SPOCK1: variants seen among roughly 807,000 people sequenced by gnomAD.
The protein encoded by SPOCK1 is testican-1.
In SPOCK1, 23 loss-of-function variants were observed where a neutral mutation model predicts 55.3. The observed-to-expected ratio is 0.42, with a 90% CI of 0.30 to 0.59. The LOEUF (loss-of-function observed/expected upper bound fraction) is 0.59. Ranked by LOEUF, SPOCK1 falls within the 20% of genes least tolerant of loss-of-function variation. The pLI, the probability that SPOCK1 is intolerant of heterozygous loss-of-function variation, is 0.22. For missense variants in SPOCK1, 499 were observed against 552.5 expected (o/e 0.90, Z 0.97); for synonymous variants, 226 against 221.0 (o/e 1.02, Z -0.20).
chr5:137,386,391 G>A (rs974658325), intron 2 of SPOCK1, among the ~76,000 whole-genome samples: 1 of 151,536 alleles, frequency 6.6e-6, no homozygotes, highest in Admixed American at 6.6e-5. Flanking sequence ...ACATGAAGAG[G>A]CCAAAGACTG....
intron 2 of SPOCK1, among the ~76,000 whole-genome samples, chr5:137,298,381 T>A (rs1300852246): frequency 6.6e-6 from 1 of 152,206 alleles, no homozygotes; most frequent in Non-Finnish European, 1.5e-5. Flanking sequence ...AACATTTCAA[T>A]GGTTTGAAAT....
At chr5:137,034,159 A>C (rs1310073264) in intron 6 of SPOCK1, among the ~76,000 whole-genome samples, 2 of 152,224 alleles carry the variant, frequency 1.3e-5, no homozygotes, top group Non-Finnish European at 2.9e-5. Context: ...CCTGGAGGAC[A>C]GGCTGCTCAG....
chr5:137,035,007 G>A (rs1751855123), intron 6 of SPOCK1, among the ~76,000 whole-genome samples: 1 of 152,186 alleles, frequency 6.6e-6, no homozygotes, highest in Non-Finnish European at 1.5e-5. Flanking sequence ...GGGTTCTACT[G>A]CTGGGGTTGG....
At chr5:137,120,551 A>G (rs965124511) in intron 4 of SPOCK1, among the ~76,000 whole-genome samples, 2 of 152,216 alleles carry the variant, frequency 1.3e-5, no homozygotes, top group Non-Finnish European at 2.9e-5. Flanking sequence ...GAACAGCCTC[A>G]AATGAGAATT....
At chr5:137,249,442 T>C (rs1756464053) in intron 3 of SPOCK1, among the ~76,000 whole-genome samples, 1 of 152,182 alleles carries the variant, frequency 6.6e-6, no homozygotes, top group African/African-American at 2.4e-5. Context: ...AATAGACAAA[T>C]TTTTATGGAG....
At chr5:137,065,315 G>A (rs765340710) in intron 6 of SPOCK1, among the ~76,000 whole-genome samples, 113 of 151,724 alleles carry the variant, frequency 7.4e-4, no homozygotes, top group Non-Finnish European at 1.4e-3. Context: ...GATACTGTTG[G>A]TACTGTCATA....
chr5:137,297,266 C>A (rs753870304), intron 2 of SPOCK1, among the ~76,000 whole-genome samples: 1 of 152,120 alleles, frequency 6.6e-6, no homozygotes, highest in South Asian at 2.1e-4. Flanking sequence ...CCTCAGAATG[C>A]GTCTCCTTTG....
intron 3 of SPOCK1, among the ~76,000 whole-genome samples, chr5:137,158,217 A>T (rs888013015): frequency 2.0e-5 from 3 of 152,166 alleles, no homozygotes; most frequent in African/African-American, 4.8e-5. Context: ...AGAGACTCTG[A>T]AATGTGAAGG....
At chr5:137,279,206 G>A (rs759811981) in intron 2 of SPOCK1, among the ~76,000 whole-genome samples, 7 of 152,164 alleles carry the variant, frequency 4.6e-5, no homozygotes, top group Non-Finnish European at 7.3e-5. Flanking sequence ...AAATTAGATG[G>A]AGCCCAACTG....
At chr5:137,379,381 C>T (rs1751407226) in intron 2 of SPOCK1, among the ~76,000 whole-genome samples, 1 of 152,078 alleles carries the variant, frequency 6.6e-6, no homozygotes, top group Non-Finnish European at 1.5e-5. Context: ...AGAGATCAAA[C>T]ATATACAGAT....
intron 5 of SPOCK1, among the ~76,000 whole-genome samples, chr5:137,100,803 A>G (rs1043184602): frequency 3.9e-5 from 6 of 152,152 alleles, no homozygotes; most frequent in African/African-American, 1.4e-4. Context: ...ACCCTTGTTC[A>G]GAGGAAGAAG....
At chr5:136,983,978 C>T (rs142261749) in intron 9 of SPOCK1, among the ~76,000 whole-genome samples, 1 of 152,344 alleles carries the variant, frequency 6.6e-6, no homozygotes, top group East Asian at 1.9e-4. Context: ...ACTAATTCTA[C>T]AACTACCTGC....
chr5:137,049,374 G>A (rs1027866735), intron 6 of SPOCK1, among the ~76,000 whole-genome samples: 8 of 132,632 alleles, frequency 6.0e-5, no homozygotes, highest in East Asian at 2.4e-4. Context: ...TTCCCTTCTC[G>A]CTTCATTTCA....
chr5:137,080,793 A>C (rs1337583618), intron 5 of SPOCK1, among the ~76,000 whole-genome samples: 1 of 152,222 alleles, frequency 6.6e-6, no homozygotes, highest in African/African-American at 2.4e-5. Context: ...AAAACTACAG[A>C]AAATCTAAGT....
At chr5:137,192,555 C>T (rs1434345915) in intron 3 of SPOCK1, among the ~76,000 whole-genome samples, 1 of 152,236 alleles carries the variant, frequency 6.6e-6, no homozygotes, top group Admixed American at 6.5e-5. Flanking sequence ...CAGTCCCTAG[C>T]ATGGGCAGGG....
chr5:137,486,594 G>A (rs963084122), intron 2 of SPOCK1, among the ~76,000 whole-genome samples: 6 of 152,138 alleles, frequency 3.9e-5, no homozygotes, highest in Non-Finnish European at 5.9e-5. Flanking sequence ...ATGAACACAC[G>A]AATAAACAAA....
chr5:137,277,300 C>A (rs1044254165), intron 2 of SPOCK1, among the ~76,000 whole-genome samples: 3 of 152,172 alleles, frequency 2.0e-5, no homozygotes, highest in African/African-American at 7.2e-5. Context: ...CAGGCATGAG[C>A]TACTTTTGCA....
chr5:137,359,996 C>T (rs950833755), intron 2 of SPOCK1, among the ~76,000 whole-genome samples: 4 of 152,154 alleles, frequency 2.6e-5, no homozygotes, highest in African/African-American at 9.7e-5. Flanking sequence ...TCCTGATCAC[C>T]CAAGTAATTA....
At chr5:137,183,182 A>G (rs1435997748) in intron 3 of SPOCK1, among the ~76,000 whole-genome samples, 2 of 152,212 alleles carry the variant, frequency 1.3e-5, no homozygotes, top group Non-Finnish European at 2.9e-5. Flanking sequence ...TATGTGGCAG[A>G]CACTATGAAT....
Sources: gnomAD v4.1 joint callset for allele counts (sites outside exome capture counted in the v4.1 genomes callset) on GRCh38, gnomAD v4.1.1 for gene constraint, MANE v1.5 for transcripts, NCBI Gene and HGNC (gene_info 2026-07-23, HGNC 2026-07-21) for gene names.